The following RNF157 variants were observed in gnomAD, a reference collection of about 807,000 sequenced individuals.
RNF157 encodes the protein ring finger protein 157, also known as E3 ubiquitin ligase RNF157.
A neutral mutation model predicts 88.3 loss-of-function variants in RNF157; 55 were observed. The ratio of observed to expected loss-of-function variants is 0.62; its 90% CI spans 0.50 to 0.78. The LOEUF (loss-of-function observed/expected upper bound fraction) is 0.78, where lower values mean the gene tolerates loss of function less well. Ranked by LOEUF, RNF157 falls within the 30% of genes least tolerant of loss-of-function variation. The pLI is 0.00. For missense variants in RNF157, 788 were observed against 860.8 expected, an observed-to-expected ratio of 0.92 and a Z score of 1.06; for synonymous variants, 334 against 341.2, an observed-to-expected ratio of 0.98 and a Z score of 0.23.
intron 1 of RNF157, among the ~76,000 whole-genome samples, chr17:76,220,656 T>TTA (rs200106408): frequency 2.6e-4 from 35 of 136,710 alleles, no homozygotes; most frequent in African/African-American, 1.0e-3. Flanking sequence ...AAATTTATTA[T>TTA]TTTTTTTTTT....
intron 13 of RNF157, among the ~76,000 whole-genome samples, chr17:76,156,918 C>CA (rs1166226762): frequency 6.6e-6 from 1 of 152,116 alleles, no homozygotes; most frequent in East Asian, 1.9e-4. Flanking sequence ...CCCTTCCCTC[C>CA]AGGCGCTCCT....
intron 1 of RNF157, among the ~76,000 whole-genome samples, chr17:76,230,162 G>A (rs2070162676): frequency 2.6e-5 from 4 of 152,188 alleles, no homozygotes; most frequent in Admixed American, 2.6e-4. Flanking sequence ...ATCATAATGT[G>A]AGTCCTTTGG....
chr17:76,155,421 C>A, intron 15 of RNF157, 104 bp from the exon 16 acceptor site: 1 of 1,451,936 alleles, frequency 6.9e-7, no homozygotes, highest in Non-Finnish European at 9.6e-7. Flanking sequence ...AGGGTCAGAC[C>A]TAAGGGAATG....
chr17:76,225,719 C>A, intron 1 of RNF157: 2 of 1,465,918 alleles, frequency 1.4e-6, no homozygotes, highest in Non-Finnish European at 1.8e-6. Context: ...ACTCTATGTA[C>A]AAGCACGTTG....
At chr17:76,173,852 C>T in intron 2 of RNF157, 62 bp from the exon 3 acceptor site, 1 of 1,404,402 alleles carries the variant, frequency 7.1e-7, no homozygotes, top group Non-Finnish European at 9.9e-7. Flanking sequence ...CTGTCCCTCG[C>T]TTTACAGTTT....
intron 13 of RNF157, 182 bp from the exon 14 acceptor site, chr17:76,156,503 T>C (rs2068767012): frequency 7.1e-7 from 1 of 1,414,172 alleles, no homozygotes; most frequent in Admixed American, 3.0e-5. Context: ...AAGCCTGGAA[T>C]GACTGCCTCC....
At chr17:76,156,944 A>T (rs564945536) in intron 13 of RNF157, among the ~76,000 whole-genome samples, 7 of 146,912 alleles carry the variant, frequency 4.8e-5, no homozygotes, top group Admixed American at 6.8e-5. Flanking sequence ...GTCTTAGTTC[A>T]CGCAGTCCTT....
chr17:76,189,401 C>T (rs1033848070), intron 2 of RNF157, among the ~76,000 whole-genome samples: 9 of 152,120 alleles, frequency 5.9e-5, no homozygotes, highest in African/African-American at 2.2e-4. Context: ...GAGCAGAAGG[C>T]GTGGGTCTCA....
At chr17:76,222,054 T>G (rs1432173668) in intron 1 of RNF157, among the ~76,000 whole-genome samples, 1 of 152,188 alleles carries the variant, frequency 6.6e-6, no homozygotes, top group African/African-American at 2.4e-5. Flanking sequence ...GGTTTTATTT[T>G]GAGGTGATAA....
intron 1 of RNF157, among the ~76,000 whole-genome samples, chr17:76,236,933 A>T (rs894440349): frequency 6.6e-6 from 1 of 152,254 alleles, no homozygotes; most frequent in Admixed American, 6.5e-5. Flanking sequence ...AGAATTCCAA[A>T]GAAACCAAAA....
At position 76,230,185 on chromosome 17, in the gene RNF157, A is replaced by G. The variant is rs546145141; in HGVS notation, c.88+9968T>C. Among the ~76,000 whole-genome samples, 3 of 152,320 alleles carry G rather than the reference A, an allele frequency of 2.0e-5. No individual in the cohort carries two copies. In the East Asian group the frequency reaches 5.8e-4, roughly 29 times the overall value. On this transcript the variant is annotated intron_variant, in intron 1 of 18. Transcript: ENST00000269391. ...GTGAGTCCTTTGGCAATCCACAGAA[A>G]CCTTTGAGGGGGCATTAAAATCCTC...
chr17:76,149,215 G>A (rs2068635322), intron 18 of RNF157, among the ~76,000 whole-genome samples: 1 of 152,044 alleles, frequency 6.6e-6, no homozygotes, highest in Non-Finnish European at 1.5e-5. Context: ...TATCAGAGTG[G>A]TGAGGACGGG....
In RNF157 at chr17:76,159,395, G is replaced by A. The variant is rs763412468; in HGVS notation, c.1244C>T (p.Pro415Leu). ...GCTGCTGTCAGACAGGCGGTCAAGA[G>A]GCGAGATCGTCCTGACGGGGGGCAG... is the stretch of plus-strand genomic sequence containing the variant. The part of the protein sequence containing the change: ...GHLPPVRTIS[P>L]LDRLSDSSSQ... Residue 415 changes from proline to leucine, a missense_variant, in exon 12 of 19, where the codon CCT becomes CTT. Pro to Leu is a moderately conservative substitution (Grantham distance 98, BLOSUM62 -3). Transcript: ENST00000269391. 1.1e-5 allele frequency: 17 copies of A among 1,613,306 alleles called. No homozygotes were observed. The South Asian group carries it at 1.7e-4, about 16-fold the overall frequency.
intron 1 of RNF157, among the ~76,000 whole-genome samples, chr17:76,237,200 G>A (rs2070297678): frequency 6.6e-6 from 1 of 152,204 alleles, no homozygotes; most frequent in Admixed American, 6.5e-5. Flanking sequence ...GGATTTAAAT[G>A]TTTGTTTCAA....
chr17:76,216,656 TG>T (rs1164778268), intron 1 of RNF157, among the ~76,000 whole-genome samples: 1 of 152,012 alleles, frequency 6.6e-6, no homozygotes, highest in African/African-American at 2.4e-5. Flanking sequence ...CCTTTCAAAG[TG>T]GTGTTGTAAA....
intron 1 of RNF157, among the ~76,000 whole-genome samples, chr17:76,219,003 G>T (rs1404099328): frequency 2.0e-5 from 3 of 151,814 alleles, no homozygotes; most frequent in Non-Finnish European, 4.4e-5. Context: ...ATAAAGAAGG[G>T]GGATGGATAG....
intron 2 of RNF157, among the ~76,000 whole-genome samples, chr17:76,199,952 T>C (rs985081308): frequency 6.6e-6 from 1 of 152,170 alleles, no homozygotes; most frequent in Non-Finnish European, 1.5e-5. Context: ...AACTAGGCAT[T>C]TCAGGTCGGG....
At chr17:76,185,165 T>C (rs1030034873) in intron 2 of RNF157, among the ~76,000 whole-genome samples, 1 of 152,136 alleles carries the variant, frequency 6.6e-6, no homozygotes, top group Non-Finnish European at 1.5e-5. Context: ...ACTCTGTCAT[T>C]AAACACACCT....
intron 2 of RNF157, among the ~76,000 whole-genome samples, chr17:76,188,213 A>G (rs535864109): frequency 5.3e-5 from 8 of 152,036 alleles, no homozygotes; most frequent in African/African-American, 1.9e-4. Context: ...TCATGCTCCA[A>G]CTCCAAGGTG....
Sources: allele counts gnomAD v4.1 joint callset (sites outside exome capture counted in the v4.1 genomes callset), GRCh38; gene constraint gnomAD v4.1.1; transcripts MANE v1.5; gene names NCBI Gene and HGNC (gene_info 2026-07-23, HGNC 2026-07-21).